PLCG2: variants seen among roughly 807,000 people sequenced by gnomAD.
PLCG2 encodes phospholipase C gamma 2.
Under a neutral mutation model 175.6 loss-of-function variants are expected in PLCG2, and 69 were observed. The ratio of observed to expected loss-of-function variants is 0.39; its 90% CI spans 0.32 to 0.48. The LOEUF is 0.48. PLCG2 is among the 20% of genes least tolerant of loss of function. PLCG2 has a pLI of 0.91. For missense variants in PLCG2, 1,798 were observed against 1,650.9 expected (o/e 1.09, Z -1.54); for synonymous variants, 827 against 624.0 (o/e 1.33, Z -4.85).
intron 22 of PLCG2, among the ~76,000 whole-genome samples, chr16:81,924,437 T>C (rs577953783): frequency 6.6e-6 from 1 of 152,094 alleles, no homozygotes; most frequent in Non-Finnish European, 1.5e-5. Flanking sequence ...AATAACTGAG[T>C]CTACATGATG....
chr16:81,769,099 T>G (rs924829795), intron 2 of PLCG2, among the ~76,000 whole-genome samples: 1 of 152,174 alleles, frequency 6.6e-6, no homozygotes, highest in Non-Finnish European at 1.5e-5. Flanking sequence ...GAATGAGGGT[T>G]CTATTGAAAC....
At chr16:81,749,828 C>G (rs1445907857) in intron 1 of PLCG2, among the ~76,000 whole-genome samples, 1 of 152,122 alleles carries the variant, frequency 6.6e-6, no homozygotes, top group Admixed American at 6.5e-5. Flanking sequence ...GGATACATGT[C>G]CAAAGATGCA....
chr16:81,905,455 AGGAC>A lies in PLCG2; in HGVS notation c.1417_1420del (p.Asp473AsnfsTer124). ...GTGGATGTCAACATGGAGGACAAGA[AGGAC>A]GAACACAAGCAACAGGGGGAGCTGT... On this transcript the variant is annotated frameshift_variant, in exon 15 of 33. Coordinates refer to ENST00000564138, the MANE Select transcript of PLCG2 (RefSeq NM_002661.5). LOFTEE classifies it high-confidence loss of function. 6.2e-7 allele frequency: 1 copy of A among 1,614,194 alleles called. No homozygotes were observed. Among genetic ancestry groups the A allele is most frequent in the Non-Finnish European group, 8.5e-7 (1 of 1,180,008 alleles).
intron 2 of PLCG2, among the ~76,000 whole-genome samples, chr16:81,849,153 G>A (rs764744759): frequency 3.9e-5 from 6 of 152,088 alleles, no homozygotes; most frequent in African/African-American, 7.2e-5. Flanking sequence ...GCAATGGGAC[G>A]TCACGGGAAG....
chr16:81,797,585 T>C (rs1911527260), intron 2 of PLCG2, among the ~76,000 whole-genome samples: 1 of 152,246 alleles, frequency 6.6e-6, no homozygotes, highest in African/African-American at 2.4e-5. Flanking sequence ...ATATCTGGCC[T>C]GTGGCTGGTG....
At chr16:81,806,938 T>C (rs1904283962) in intron 2 of PLCG2, among the ~76,000 whole-genome samples, 1 of 152,034 alleles carries the variant, frequency 6.6e-6, no homozygotes, top group African/African-American at 2.4e-5. Context: ...GAGGCCTCCA[T>C]AGCACTCAAG....
At chr16:81,881,859 C>G (rs1908097461) in intron 8 of PLCG2, among the ~76,000 whole-genome samples, 1 of 151,340 alleles carries the variant, frequency 6.6e-6, no homozygotes, top group Non-Finnish European at 1.5e-5. Context: ...ACCATGTTGG[C>G]CAGTCTGGTG....
chr16:81,962,247 T>G lies in PLCG2; in HGVS notation c.*4249T>G. The G allele has an allele frequency of 5.2e-6, 1 of 193,292 alleles. No homozygotes were observed. Among genetic ancestry groups the G allele is most frequent in the Non-Finnish European group, 1.1e-5 (1 of 92,678 alleles). The allele number at this position is 193,292 out of a possible 1,614,324, so 12.0% of individuals were successfully genotyped here. A position where few individuals can be genotyped will look rare whatever the true frequency, so the allele number is the denominator to read the frequency against. Reference sequence around the variant, plus strand: ...TAAAAAGGACCTCAACCCTTTTGACTTTAAAAGGAAAATAGCTTAACCTTC... The same window carrying G: ...TAAAAAGGACCTCAACCCTTTTGACGTTAAAAGGAAAATAGCTTAACCTTC... On this transcript the variant is annotated 3_prime_UTR_variant, in exon 33 of 33. Transcript: ENST00000564138.
intron 1 of PLCG2, among the ~76,000 whole-genome samples, chr16:81,741,636 C>G (rs961269172): frequency 2.0e-5 from 3 of 152,050 alleles, no homozygotes; most frequent in Non-Finnish European, 4.4e-5. Flanking sequence ...ATGGTGAAAC[C>G]CTGTCTCTAC....
intron 9 of PLCG2, among the ~76,000 whole-genome samples, chr16:81,884,694 C>T (rs1166017958): frequency 6.8e-6 from 1 of 147,630 alleles, no homozygotes; most frequent in Non-Finnish European, 1.5e-5. Context: ...TTACTTTTTT[C>T]TTTTACTTCA....
intron 21 of PLCG2, chr16:81,921,571 A>T (rs900669513): frequency 1.4e-5 from 6 of 417,416 alleles, no homozygotes; most frequent in Non-Finnish European, 2.2e-5. Context: ...TGGCTCGCTG[A>T]CAGAGCCTGT....
At chr16:81,885,981 A>ACAGT (rs550719237) in intron 9 of PLCG2, among the ~76,000 whole-genome samples, 142 of 152,364 alleles carry the variant, frequency 9.3e-4, no homozygotes, top group Middle Eastern at 3.4e-3. Context: ...TTTATTGGGC[A>ACAGT]CAGTCACGTT....
chr16:81,796,870 T>C (rs4889384), intron 2 of PLCG2, among the ~76,000 whole-genome samples: 54,293 of 152,116 alleles, frequency 0.36, 10,057 homozygotes, highest in Middle Eastern at 0.45. Flanking sequence ...GTTTCGGCCA[T>C]CCAATTTTTG....
At chr16:81,764,535 A>T (rs1004953524) in intron 2 of PLCG2, among the ~76,000 whole-genome samples, 2 of 152,194 alleles carry the variant, frequency 1.3e-5, no homozygotes. Context: ...ATCACTGGCC[A>T]AGCGTGCCCC....
At chr16:81,757,038 T>G (rs1328137620) in intron 2 of PLCG2, among the ~76,000 whole-genome samples, 2 of 152,210 alleles carry the variant, frequency 1.3e-5, no homozygotes, top group Non-Finnish European at 2.9e-5. Flanking sequence ...GGTGAGTGGT[T>G]GTTTGCCTGA....
Position 81,961,057 on chromosome 16 carries a change from A to G in PLCG2, c.*3059A>G, listed in dbSNP as rs559477047. 1.4e-3 allele frequency: 313 copies of G among 231,566 alleles called. No individual in the cohort carries two copies. Among genetic ancestry groups the G allele is most frequent in the African/African-American group, 6.5e-3 (295 of 45,390 alleles). 14.3% of individuals were successfully genotyped at this position (231,566 alleles called of 1,614,324 possible). Reference sequence around the variant, plus strand: ...TGAAAGACTTATCAACAGGGCACAAATCTTTTTGCAAATGGATTTTCCAAG... The same window carrying G: ...TGAAAGACTTATCAACAGGGCACAAGTCTTTTTGCAAATGGATTTTCCAAG... On this transcript the variant is annotated 3_prime_UTR_variant, in exon 33 of 33. Transcript: ENST00000564138.
At chr16:81,855,958 C>A (rs35386949) in intron 3 of PLCG2, among the ~76,000 whole-genome samples, 39,294 of 152,062 alleles carry the variant, frequency 0.26, 5,573 homozygotes, top group Non-Finnish European at 0.32. Flanking sequence ...TCTCCTTAGC[C>A]CCACCTGCAG....
intron 7 of PLCG2, among the ~76,000 whole-genome samples, chr16:81,877,325 G>A (rs1219172735): frequency 1.3e-5 from 2 of 152,086 alleles, no homozygotes; most frequent in East Asian, 1.9e-4. Flanking sequence ...GCATAGTGGC[G>A]GGTGCCTGTA....
At chr16:81,762,587 T>C (rs1472191796) in intron 2 of PLCG2, among the ~76,000 whole-genome samples, 1 of 150,582 alleles carries the variant, frequency 6.6e-6, no homozygotes, top group Non-Finnish European at 1.5e-5. Context: ...AAAAAGTGTA[T>C]AAAATTGTCT....
Sources: allele counts gnomAD v4.1 joint callset (sites outside exome capture counted in the v4.1 genomes callset), GRCh38; gene constraint gnomAD v4.1.1; transcripts MANE v1.5; gene names NCBI Gene and HGNC (gene_info 2026-07-23, HGNC 2026-07-21).